The following WDR19 variants were observed in gnomAD, a reference collection of about 807,000 sequenced individuals.
WDR19 encodes the protein WD repeat-containing protein 19.
Under a neutral mutation model 180.0 loss-of-function variants are expected in WDR19, and 121 were observed. The ratio of observed to expected loss-of-function variants is 0.67; its 90% CI spans 0.58 to 0.78. The LOEUF (loss-of-function observed/expected upper bound fraction) is 0.78, where lower values mean the gene tolerates loss of function less well. Ranked by LOEUF, WDR19 falls within the 30% of genes least tolerant of loss-of-function variation. WDR19 has a pLI of 0.00. For synonymous variants in WDR19, 497 were observed against 540.7 expected, an observed-to-expected ratio of 0.92 and a Z score of 1.12; for missense variants, 1,450 against 1,640.7, an observed-to-expected ratio of 0.88 and a Z score of 2.01.
At chr4:39,236,019 T>G (rs922490438) in intron 20 of WDR19, among the ~76,000 whole-genome samples, 1 of 152,166 alleles carries the variant, frequency 6.6e-6, no homozygotes, top group African/African-American at 2.4e-5. Context: ...AAGGGAATGC[T>G]TATATACTGT....
intron 20 of WDR19, among the ~76,000 whole-genome samples, chr4:39,236,058 T>C (rs1181908893): frequency 6.6e-6 from 1 of 152,194 alleles, no homozygotes; most frequent in Non-Finnish European, 1.5e-5. Context: ...GTAGAACCTT[T>C]ATGGAAAACA....
rs754690461 is a variant in WDR19, at chr4:39,273,028, C to T, written c.3532C>T (p.Arg1178Trp). 3.7e-5 allele frequency: 59 copies of T among 1,605,292 alleles called. No homozygotes were observed. The highest frequency in any genetic ancestry group is 4.7e-5 in the Non-Finnish European group (55 of 1,176,182). Residue 1178 changes from arginine to tryptophan, a missense_variant, in exon 32 of 37, where the codon CGG (arginine) becomes TGG (tryptophan). Physicochemically the swap from Arg to Trp is moderately radical, Grantham distance 101. Transcript: ENST00000399820. ...DHMKGARMLIRVANNISKFPS... is the reference protein window; with the variant it reads ...DHMKGARMLIWVANNISKFPS... ...CATGAAAGGGGCTCGCATGCTCATT[C>T]GGGTGGCCAACAACATCAGCAAATT...
At chr4:39,231,352 G>A (rs1402566875) in intron 17 of WDR19, among the ~76,000 whole-genome samples, 2 of 149,626 alleles carry the variant, frequency 1.3e-5, no homozygotes, top group Admixed American at 1.3e-4. Context: ...GGGCTGATCA[G>A]TGACTTTGTT....
At chr4:39,266,206 T>G in intron 29 of WDR19, 66 bp downstream of exon 29, 1 of 1,393,078 alleles carries the variant, frequency 7.2e-7, no homozygotes, top group Non-Finnish European at 9.7e-7. Flanking sequence ...TGCCTGTTTT[T>G]ACCCATCATG....
At chr4:39,274,720 T>G (rs556565076) in intron 32 of WDR19, 88 bp from the exon 33 acceptor site, 45 of 1,487,338 alleles carry the variant, frequency 3.0e-5, no homozygotes, top group Non-Finnish European at 3.9e-5. Flanking sequence ...ATGACCCTGT[T>G]TTCCTACAGA....
At chr4:39,198,287 G>A (rs1338267137) in intron 5 of WDR19, among the ~76,000 whole-genome samples, 1 of 152,198 alleles carries the variant, frequency 6.6e-6, no homozygotes, top group Non-Finnish European at 1.5e-5. Flanking sequence ...GGCCGGGAGT[G>A]GTGGCTCACG....
intron 27 of WDR19, 21 bp downstream of exon 27, chr4:39,255,981 T>A: frequency 1.6e-6 from 2 of 1,229,510 alleles, no homozygotes; most frequent in South Asian, 2.7e-5. Context: ...GCCAAGAAAA[T>A]ATACACTGAC....
At position 39,245,461 on chromosome 4, in the gene WDR19, A is replaced by G. The variant is rs777646893; in HGVS notation, c.2729+9A>G. 3.7e-6 allele frequency: 6 copies of G among 1,610,816 alleles called. No homozygotes were observed. In the African/African-American group the frequency reaches 6.7e-5, roughly 18 times the overall value. ...AAGGAAGCAGATGGAAGGTTTGTAC[A>G]CTTTCTCAAATTTATACCAATTTAA... On this transcript the variant is annotated intron_variant, in intron 24 of 36. Coordinates refer to ENST00000399820, the MANE Select transcript of WDR19 (RefSeq NM_025132.4).
In WDR19 at chr4:39,185,750, A is replaced by G. The variant is rs1725445628; in HGVS notation, c.31A>G (p.Thr11Ala). Reference sequence around the variant, plus strand: ...GCGTATTTTCTCACTGCTAGAAAAGACTTGGCTTGGCGCACCAATACAGTT... The same window carrying G: ...GCGTATTTTCTCACTGCTAGAAAAGGCTTGGCTTGGCGCACCAATACAGTT... Reference protein sequence around the residue: MKRIFSLLEKTWLGAPIQFAW... With the variant: MKRIFSLLEKAWLGAPIQFAW... Residue 11 changes from threonine to alanine, a missense_variant, in exon 2 of 37, where the codon ACT (threonine) becomes GCT (alanine). Coordinates refer to ENST00000399820, the MANE Select transcript of WDR19 (RefSeq NM_025132.4). 6.4e-7 allele frequency: 1 copy of G among 1,558,442 alleles called. No individual in the cohort carries two copies. The highest frequency in any genetic ancestry group is 8.7e-7 in the Non-Finnish European group (1 of 1,150,320).
At chr4:39,226,673 T>C (rs1730296385) in intron 15 of WDR19, among the ~76,000 whole-genome samples, 1 of 152,160 alleles carries the variant, frequency 6.6e-6, no homozygotes, top group Non-Finnish European at 1.5e-5. Flanking sequence ...AAAACGGGAA[T>C]AATAATAGTA....
At chr4:39,198,900 A>C (rs1297227301) in intron 5 of WDR19, among the ~76,000 whole-genome samples, 1 of 151,338 alleles carries the variant, frequency 6.6e-6, no homozygotes, top group African/African-American at 2.4e-5. Flanking sequence ...TGGGAGGCTG[A>C]GGCGGAAGAA....
intron 33 of WDR19, chr4:39,275,201 G>C (rs7356457): frequency 2.2e-6 from 1 of 455,826 alleles, no homozygotes; most frequent in Non-Finnish European, 4.1e-6. Context: ...TTGGCTGGGC[G>C]TGGTGGTGCA....
At chr4:39,206,603 G>A (rs1727979341) in intron 9 of WDR19, among the ~76,000 whole-genome samples, 1 of 152,164 alleles carries the variant, frequency 6.6e-6, no homozygotes, top group Admixed American at 6.5e-5. Flanking sequence ...ATTGATCATA[G>A]GGAGGAAGGA....
At chr4:39,229,297 C>G (rs535288624) in intron 17 of WDR19, among the ~76,000 whole-genome samples, 2 of 152,214 alleles carry the variant, frequency 1.3e-5, no homozygotes, top group East Asian at 1.9e-4. Flanking sequence ...GATAAAATGT[C>G]AAATCCTATT....
chr4:39,236,228 C>G (rs967613555), intron 20 of WDR19, among the ~76,000 whole-genome samples: 1 of 152,068 alleles, frequency 6.6e-6, no homozygotes, highest in Non-Finnish European at 1.5e-5. Context: ...GGTAAAGAAT[C>G]AACCTAAGTG....
intron 7 of WDR19, among the ~76,000 whole-genome samples, chr4:39,204,060 T>C (rs931100544): frequency 3.3e-5 from 5 of 151,892 alleles, no homozygotes; most frequent in Admixed American, 3.3e-4. Context: ...TTAGCAGACC[T>C]CTTGAAGTTG....
At chr4:39,280,644 A>G (rs951549310) in intron 36 of WDR19, among the ~76,000 whole-genome samples, 3 of 151,978 alleles carry the variant, frequency 2.0e-5, no homozygotes, top group Non-Finnish European at 4.4e-5. Context: ...AACAGGCTCA[A>G]AAAACCAACC....
At chr4:39,205,109 A>G in intron 7 of WDR19, 45 bp from the exon 8 acceptor site, 1 of 1,356,764 alleles carries the variant, frequency 7.4e-7, no homozygotes, top group Non-Finnish European at 1.0e-6. Flanking sequence ...CTTTTCATGA[A>G]GTACTAAGTA....
Position 39,278,549 on chromosome 4 carries a change from A to G in WDR19, c.3928A>G (p.Thr1310Ala), listed in dbSNP as rs1736142319. 6.2e-7 allele frequency: 1 copy of G among 1,611,824 alleles called. No homozygotes were observed. The change falls in exon 36 of 37, where the codon ACT becomes GCT. Residue 1310 changes from threonine (T) to alanine (A), a missense_variant. Physicochemically the swap from Thr to Ala is moderately conservative, Grantham distance 58. Coordinates refer to ENST00000399820, the MANE Select transcript of WDR19 (RefSeq NM_025132.4). ...LYSELKIMLN[T>A]ESTCPMCSER... Reference sequence around the variant, plus strand: ...CCCTCCCCTAAACAGCATGCTAAACACTGAAAGCACATGTCCTATGTGTTC... The same window carrying G: ...CCCTCCCCTAAACAGCATGCTAAACGCTGAAAGCACATGTCCTATGTGTTC...
Sources: gnomAD v4.1 joint callset for allele counts (sites outside exome capture counted in the v4.1 genomes callset) on GRCh38, gnomAD v4.1.1 for gene constraint, MANE v1.5 for transcripts, NCBI Gene and HGNC (gene_info 2026-07-23, HGNC 2026-07-21) for gene names.